Variants in FANCD2 observed in about 807,000 individuals in gnomAD.
The protein encoded by FANCD2 is FA complementation group D2.
A neutral mutation model predicts 192.3 loss-of-function variants in FANCD2; 131 were observed. The ratio of observed to expected loss-of-function variants is 0.68; its 90% CI spans 0.59 to 0.79. The LOEUF is 0.79. Ranked by LOEUF, FANCD2 falls within the 30% of genes least tolerant of loss-of-function variation. The pLI is 0.00. For missense variants in FANCD2, 1,508 were observed against 1,701.6 expected (o/e 0.89, Z 2.00); for synonymous variants, 524 against 612.5 (o/e 0.86, Z 2.13).
chr3:10,033,888 G>A lies in FANCD2; in HGVS notation c.206-581G>A, dbSNP rs192341553. Among the ~76,000 whole-genome samples the A allele has an allele frequency of 5.4e-3, 822 of 150,870 alleles. 1 individual carries two copies. The highest frequency in any genetic ancestry group is 9.5e-3 in the Admixed American group (144 of 15,218). On this transcript the variant is annotated intron_variant, in intron 3 of 43. Transcript: ENST00000675286. ...AATTTTTTGTATTTTTAGTAGAGACGGAGTTTCACCGTGTTAGCCAGGATG... is the reference window on the plus strand; with the variant it reads ...AATTTTTTGTATTTTTAGTAGAGACAGAGTTTCACCGTGTTAGCCAGGATG...
chr3:10,069,257 C>A (rs1259670164), intron 26 of FANCD2, among the ~76,000 whole-genome samples: 4 of 146,376 alleles, frequency 2.7e-5, no homozygotes, highest in Admixed American at 6.6e-5. Context: ...AACTATGTAT[C>A]TGACAAGGGA....
Position 10,090,386 on chromosome 3 carries a change from G to C in FANCD2, c.3777+1G>C. 1 of 1,598,876 alleles carries C rather than the reference G, an allele frequency of 6.3e-7. No homozygotes were observed. Among genetic ancestry groups the C allele is most frequent in the Non-Finnish European group, 8.5e-7 (1 of 1,170,388 alleles). On this transcript the variant is annotated splice_donor_variant, in intron 37 of 43. Transcript: ENST00000675286. LOFTEE classifies it high-confidence loss of function. ...TGGCACAGCAGCAGACTCGCAGCAG[G>C]TGAGTAAGATAATAGTCACTTCAAG... is the stretch of plus-strand genomic sequence containing the variant.
At chr3:10,086,052 CAT>C in intron 33 of FANCD2, 130 bp downstream of exon 33, 1 of 700,162 alleles carries the variant, frequency 1.4e-6, no homozygotes. Context: ...CTACTCTCCT[CAT>C]ATATGAGCTT....
chr3:10,087,251 C>T lies in FANCD2; in HGVS notation c.3453C>T (p.Asn1151=), dbSNP rs1410035226. Residue 1151 remains asparagine, a synonymous_variant, in exon 34 of 44, where the codon AAC becomes AAT. Transcript: ENST00000675286. ...ILEKSTASAQ[N]KEKIASLARQ... The stretch of plus-strand genomic sequence containing the variant: ...AGAAATCAACAGCTTCTGCTCAGAA[C>T]AAAGAAAAAATTGGTGATGGGCCTA... 7.0e-7 allele frequency: 1 copy of T among 1,421,104 alleles called. No individual in the cohort carries two copies. The highest frequency in any genetic ancestry group is 9.6e-7 in the Non-Finnish European group (1 of 1,043,852). 88.0% of individuals were successfully genotyped at this position (1,421,104 alleles called of 1,614,324 possible).
In FANCD2 at chr3:10,035,154, ATTTCT is replaced by A. The variant is rs1259646512; in HGVS notation, c.378-15_378-11del. The A allele has an allele frequency of 5.6e-6, 9 of 1,593,312 alleles. No individual in the cohort carries two copies. The highest frequency in any genetic ancestry group is 4.5e-5 in the African/African-American group (3 of 67,068). ...ACAAGGAAAGCAAAGTGGAAAACAG[ATTTCT>A]TTTTTTTTTACAGTATGGGTGCATC... On this transcript the variant is annotated splice_polypyrimidine_tract_variant and intron_variant, in intron 5 of 43. Coordinates refer to ENST00000675286, the MANE Select transcript of FANCD2 (RefSeq NM_001018115.3).
At position 10,064,716 on chromosome 3, in the gene FANCD2, T is replaced by C; in HGVS notation, c.2022-13T>C. The C allele has an allele frequency of 6.2e-7, 1 of 1,613,978 alleles. No homozygotes were observed. The highest frequency in any genetic ancestry group is 8.5e-7 in the Non-Finnish European group (1 of 1,179,898). ...CCTGAGCTGCAACATCAGATTCTGG[T>C]TTTTCTCCGCAGTGACTTTCCATTT... On this transcript the variant is annotated splice_polypyrimidine_tract_variant and intron_variant, in intron 22 of 43. Transcript: ENST00000675286.
At chr3:10,093,722 G>T (rs940095163) in intron 39 of FANCD2, among the ~76,000 whole-genome samples, 1 of 152,150 alleles carries the variant, frequency 6.6e-6, no homozygotes, top group African/African-American at 2.4e-5. Context: ...TCTTTTGTGG[G>T]AATAGCCTGT....
chr3:10,037,995 G>A (rs1439244417), intron 7 of FANCD2, among the ~76,000 whole-genome samples: 1 of 152,040 alleles, frequency 6.6e-6, no homozygotes, highest in Non-Finnish European at 1.5e-5. Flanking sequence ...TAAGTTTAAA[G>A]GTTTACTTAT....
chr3:10,079,754 C>A (rs1693730704), intron 30 of FANCD2, among the ~76,000 whole-genome samples: 1 of 152,190 alleles, frequency 6.6e-6, no homozygotes, highest in Non-Finnish European at 1.5e-5. Flanking sequence ...CTAGAACGTC[C>A]AGAACTTCAG....
chr3:10,065,328 T>C, intron 23 of FANCD2, 66 bp from the exon 24 acceptor site: 8 of 1,032,290 alleles, frequency 7.7e-6, no homozygotes, highest in Non-Finnish European at 1.2e-5. Context: ...TGGAGTAATA[T>C]CTCCCTATGT....
chr3:10,047,430 T>C (rs748957220), intron 15 of FANCD2, among the ~76,000 whole-genome samples: 37 of 152,302 alleles, frequency 2.4e-4, no homozygotes, highest in Admixed American at 2.0e-4. Context: ...GTTTATTAAC[T>C]GGTTATTTAG....
intron 29 of FANCD2, among the ~76,000 whole-genome samples, chr3:10,076,788 C>T (rs768355956): frequency 1.2e-4 from 18 of 152,134 alleles, no homozygotes; most frequent in Non-Finnish European, 2.4e-4. Context: ...TGCAGTGGCA[C>T]GATCTTGGCT....
intron 30 of FANCD2, among the ~76,000 whole-genome samples, chr3:10,079,860 G>A (rs1358644595): frequency 6.6e-6 from 1 of 151,982 alleles, no homozygotes; most frequent in Non-Finnish European, 1.5e-5. Context: ...TTGGGTATAA[G>A]CATTTAAACA....
chr3:10,041,845 T>C, intron 10 of FANCD2, 135 bp downstream of exon 10: 2 of 406,764 alleles, frequency 4.9e-6, no homozygotes, highest in African/African-American at 5.2e-5. Context: ...TATCTCTCTT[T>C]TTTTTTTTTT....
intron 17 of FANCD2, among the ~76,000 whole-genome samples, chr3:10,050,008 T>C (rs1444533391): frequency 3.9e-5 from 6 of 152,086 alleles, no homozygotes; most frequent in African/African-American, 1.4e-4. Flanking sequence ...GAATAGGATA[T>C]ATATGGAGAG....
chr3:10,077,441 G>C (rs1220994551), intron 29 of FANCD2, among the ~76,000 whole-genome samples: 1 of 152,136 alleles, frequency 6.6e-6, no homozygotes, highest in Admixed American at 6.5e-5. Flanking sequence ...TGTAATGCCA[G>C]CTACTTGGGA....
chr3:10,074,445 C>A, intron 28 of FANCD2, 85 bp from the exon 29 acceptor site: 1 of 1,207,236 alleles, frequency 8.3e-7, no homozygotes, highest in Non-Finnish European at 1.2e-6. Flanking sequence ...TAAATAAATG[C>A]ATATTTGTAC....
chr3:10,071,382 T>C (rs1342290678), intron 26 of FANCD2, among the ~76,000 whole-genome samples: 3 of 152,180 alleles, frequency 2.0e-5, no homozygotes, highest in Admixed American at 1.3e-4. Flanking sequence ...CAAGGAGATA[T>C]CTGCACTCCC....
chr3:10,085,163 T>A (rs1466446157), intron 32 of FANCD2, among the ~76,000 whole-genome samples: 2 of 152,118 alleles, frequency 1.3e-5, no homozygotes, highest in African/African-American at 4.8e-5. Context: ...AGACTACATA[T>A]CTCTAAAATA....
Sources: gnomAD v4.1 joint callset for allele counts (sites outside exome capture counted in the v4.1 genomes callset) on GRCh38, gnomAD v4.1.1 for gene constraint, MANE v1.5 for transcripts, NCBI Gene and HGNC (gene_info 2026-07-23, HGNC 2026-07-21) for gene names.